The following IGSF9B variants were observed in gnomAD, a reference collection of about 807,000 sequenced individuals.
IGSF9B encodes immunoglobulin superfamily member 9B.
Under a neutral mutation model 143.7 loss-of-function variants are expected in IGSF9B, and 48 were observed. The observed-to-expected ratio is 0.33, with a 90% CI of 0.26 to 0.42. IGSF9B has a LOEUF of 0.42. Ranked by LOEUF, IGSF9B falls within the 20% of genes least tolerant of loss-of-function variation. The probability of loss-of-function intolerance (pLI) is 1.00; values close to 1 mark genes in which losing one functional copy is unlikely to be tolerated. For synonymous variants in IGSF9B, 903 were observed against 833.1 expected (o/e 1.08, Z -1.44); for missense variants, 1,706 against 1,980.0 (o/e 0.86, Z 2.63).
At chr11:133,938,735 C>T (rs967791728) in intron 3 of IGSF9B, among the ~76,000 whole-genome samples, 4 of 152,060 alleles carry the variant, frequency 2.6e-5, no homozygotes, top group Admixed American at 1.3e-4. Context: ...AACTCCAGCC[C>T]GGAGGCCCAC....
Position 133,905,297 on chromosome 11 carries a change from C to T in IGSF9B, c.*3772G>A, listed in dbSNP as rs1939194334. 6.6e-6 allele frequency among the ~76,000 whole-genome samples: 1 copy of T among 151,704 alleles called. No individual in the cohort carries two copies. Among genetic ancestry groups the T allele is most frequent in the Admixed American group, 6.6e-5 (1 of 15,214 alleles). On this transcript the variant is annotated 3_prime_UTR_variant, in exon 20 of 20. Coordinates refer to ENST00000533871, the MANE Select transcript of IGSF9B (RefSeq NM_001277285.4). This position sits in a 1 kb window ranked among gnomAD's most constrained non-coding sequence, Gnocchi z 4.0. ...TAACAAAATAGGAAGAAACAGATTC[C>T]AGCCACGCAGTCTTCAGCCCTGGAG...
chr11:133,925,023 T>C (rs1199901514), intron 14 of IGSF9B, 119 bp from the exon 15 acceptor site: 1 of 779,296 alleles, frequency 1.3e-6, no homozygotes, highest in African/African-American at 1.7e-5. Flanking sequence ...ACAGGAGGAC[T>C]GCTAAGTGTC....
chr11:133,922,497 TG>T, intron 16 of IGSF9B, 71 bp downstream of exon 16: 1 of 1,462,388 alleles, frequency 6.8e-7, no homozygotes. Flanking sequence ...ATGCTAAAAA[TG>T]GTCCACCTCT....
rs757846727 is a variant in IGSF9B at position 133,930,990 on chromosome 11, C to T, written c.1513G>A (p.Val505Ile). Residue 505 changes from valine (V) to isoleucine (I), a missense_variant, in exon 11 of 20, where the codon GTC becomes ATC. Coordinates refer to ENST00000533871, the MANE Select transcript of IGSF9B (RefSeq NM_001277285.4). ...AGCCTTGCCGGCCACGTACCGATGA[C>T]GGTGAGGTGGGTGCTGGCAGTGATG... ...TSITASTHLTVIGTSPHAPGS... is the reference protein window; with the variant it reads ...TSITASTHLTIIGTSPHAPGS... The T allele has an allele frequency of 5.2e-5, 83 of 1,610,574 alleles. No individual in the cohort carries two copies. In the South Asian group the frequency reaches 8.2e-4, roughly 16 times the overall value.
chr11:133,907,266 CAGA>C lies in IGSF9B; in HGVS notation c.*1800_*1802del, dbSNP rs1427890390. On this transcript the variant is annotated 3_prime_UTR_variant, in exon 20 of 20. Transcript: ENST00000533871. ...AGGAAGGACCAGGGCCGGTGTGGCA[CAGA>C]AGAAGTCCATCCCCTAAGATGGAAA... Among the ~76,000 whole-genome samples the C allele has an allele frequency of 2.6e-5, 4 of 152,196 alleles. No homozygotes were observed. The highest frequency in any genetic ancestry group is 2.1e-4 in the South Asian group (1 of 4,830).
intron 4 of IGSF9B, 141 bp downstream of exon 4, chr11:133,937,669 C>A: frequency 1.7e-6 from 2 of 1,147,262 alleles, no homozygotes; most frequent in Non-Finnish European, 2.5e-6. Context: ...GACACAGAGA[C>A]GCCTGCAGCT....
intron 19 of IGSF9B, 69 bp downstream of exon 19, chr11:133,911,817 C>A: frequency 1.4e-6 from 2 of 1,412,834 alleles, no homozygotes; most frequent in Admixed American, 3.1e-5. Context: ...ACAACGGCAG[C>A]CCAATAACCC....
chr11:133,933,149 T>C (rs1370291049), intron 7 of IGSF9B, among the ~76,000 whole-genome samples: 1 of 152,152 alleles, frequency 6.6e-6, no homozygotes, highest in African/African-American at 2.4e-5. Context: ...CCGAGCCTGC[T>C]CCAATCCTCA....
At chr11:133,946,664 C>T (rs997991062) in intron 1 of IGSF9B, among the ~76,000 whole-genome samples, 8 of 152,168 alleles carry the variant, frequency 5.3e-5, no homozygotes, top group African/African-American at 1.2e-4. Context: ...TGGAGGCCCA[C>T]GGCACTGCCC....
In IGSF9B at chr11:133,922,633, C is replaced by T. The variant is rs1356644009; in HGVS notation, c.2217G>A (p.Leu739=). Residue 739 remains leucine (L), a synonymous_variant, in exon 16 of 20, where the codon CTG becomes CTA. Transcript: ENST00000533871. ...ATICFLAAAI[L]FSTLAACFVN... ...CAAAGCAGGCAGCCAGGGTGCTGAACAGGATGGCAGCTGCCAAGAAGCAGA... is the reference window on the plus strand; with the variant it reads ...CAAAGCAGGCAGCCAGGGTGCTGAATAGGATGGCAGCTGCCAAGAAGCAGA... The T allele has an allele frequency of 6.2e-7, 1 of 1,604,878 alleles. No homozygotes were observed. Among genetic ancestry groups the T allele is most frequent in the East Asian group, 2.2e-5 (1 of 44,606 alleles).
In IGSF9B at chr11:133,931,520, G is replaced by A; in HGVS notation, c.1301C>T (p.Ala434Val). Residue 434 changes from alanine to valine, a missense_variant, in exon 10 of 20, where the codon GCC (alanine) becomes GTC (valine). Physicochemically the swap from Ala to Val is moderately conservative, Grantham distance 64. Transcript: ENST00000533871. The surrounding 1 kb of genome is among the most constrained non-coding windows in gnomAD (Gnocchi z 7.7). ...VLPGWEYRQEAGRELLIPCAA... is the reference protein window; with the variant it reads ...VLPGWEYRQEVGRELLIPCAA... ...ACAGGGGATAAGTAGCTCCCGGCCG[G>A]CCTCCTGCCTGTACTCCCAGCCTGG... 1 of 1,613,280 alleles carries A rather than the reference G, an allele frequency of 6.2e-7. No individual in the cohort carries two copies.
chr11:133,911,998 T>C lies in IGSF9B; in HGVS notation c.3993A>G (p.Pro1331=). 3 of 1,527,864 alleles carry C rather than the reference T, an allele frequency of 2.0e-6. 1 individual carries two copies. The South Asian group carries it at 3.6e-5, about 19-fold the overall frequency. 94.6% of individuals were successfully genotyped at this position (1,527,864 alleles called of 1,614,324 possible). A position where few individuals can be genotyped will look rare whatever the true frequency, so the allele number is the denominator to read the frequency against. Residue 1331 remains proline, a synonymous_variant, in exon 19 of 20, where the codon CCA becomes CCG. Transcript: ENST00000533871. The part of the protein sequence containing the change: ...PPTLPTSGTL[P]PAPGNAAAPE... Reference sequence around the variant, plus strand: ...GCGCAGCAGCGTTCCCGGGTGCAGGTGGAAGTGTTCTGGAAAGGACAACCA... The same window carrying C: ...GCGCAGCAGCGTTCCCGGGTGCAGGCGGAAGTGTTCTGGAAAGGACAACCA...
chr11:133,952,399 G>A (rs1417489453), intron 1 of IGSF9B, among the ~76,000 whole-genome samples: 1 of 152,208 alleles, frequency 6.6e-6, no homozygotes, highest in Non-Finnish European at 1.5e-5. Context: ...CAAGGGCACC[G>A]TGGCAGAGTG....
At position 133,935,599 on chromosome 11, in the gene IGSF9B, C is replaced by T; in HGVS notation, c.967+18G>A. 1 of 1,604,318 alleles carries T rather than the reference C, an allele frequency of 6.2e-7. No individual in the cohort carries two copies. The highest frequency in any genetic ancestry group is 8.5e-7 in the Non-Finnish European group (1 of 1,176,194). On this transcript the variant is annotated intron_variant, in intron 7 of 19. Coordinates refer to ENST00000533871, the MANE Select transcript of IGSF9B (RefSeq NM_001277285.4). Reference sequence around the variant, plus strand: ...TCTGGGAGCCCCACCACCCAGGCTCCCCTGCACCCCTACTCACACTGCACG... The same window carrying T: ...TCTGGGAGCCCCACCACCCAGGCTCTCCTGCACCCCTACTCACACTGCACG...
Position 133,922,669 on chromosome 11 carries a change from G to A in IGSF9B, c.2181C>T (p.Ile727=), listed in dbSNP as rs1018674930. Residue 727 remains isoleucine (I), a synonymous_variant, in exon 16 of 20, where the codon ATC becomes ATT. Transcript: ENST00000533871. The part of the protein sequence containing the change: ...DGLARPVLAG[I]VATICFLAAA... Reference sequence around the variant, plus strand: ...CTGCCAAGAAGCAGATGGTAGCTACGATTCCCGCCAGCACAGGCCGCGCCA... The same window carrying A: ...CTGCCAAGAAGCAGATGGTAGCTACAATTCCCGCCAGCACAGGCCGCGCCA... The A allele has an allele frequency of 1.5e-5, 24 of 1,586,150 alleles. No homozygotes were observed. Among genetic ancestry groups the A allele is most frequent in the South Asian group, 4.6e-5 (4 of 87,560 alleles).
intron 6 of IGSF9B, 21 bp from the exon 7 acceptor site, chr11:133,935,783 A>G (rs779013122): frequency 1.9e-6 from 3 of 1,607,750 alleles, no homozygotes; most frequent in Non-Finnish European, 2.5e-6. Context: ...GCATGGGGAC[A>G]GGGGGTTGGG....
rs1939155575 is a variant in IGSF9B, at chr11:133,902,562, CACA to C, written c.*6504_*6506del. Among the ~76,000 whole-genome samples, 7 of 118,272 alleles carry C rather than the reference CACA, an allele frequency of 5.9e-5. No homozygotes were observed. In the South Asian group the frequency reaches 1.8e-3, roughly 30 times the overall value. The allele number at this position is 118,272 out of a possible 152,430, so 77.6% of individuals were successfully genotyped here. On this transcript the variant is annotated 3_prime_UTR_variant, in exon 20 of 20. Coordinates refer to ENST00000533871, the MANE Select transcript of IGSF9B (RefSeq NM_001277285.4). Reference sequence around the variant, plus strand: ...ATACCACACACACCACATACACACACACACCCCACACACACACACACACACCCC... The same window carrying C: ...ATACCACACACACCACATACACACACCCCCACACACACACACACACACCCC...
chr11:133,946,267 G>A lies in IGSF9B; in HGVS notation c.65-9C>T, dbSNP rs993184677. On this transcript the variant is annotated splice_polypyrimidine_tract_variant and intron_variant, in intron 1 of 19. Transcript: ENST00000533871. ...TCGCAGGCCGTGGGCGCCTGATGGG[G>A]ACGGCCAGGTTGGACACAGAAAGGA... The A allele has an allele frequency of 2.5e-6, 4 of 1,611,748 alleles. No individual in the cohort carries two copies. The highest frequency in any genetic ancestry group is 1.1e-5 in the South Asian group (1 of 90,580).
In IGSF9B at chr11:133,948,056, C is replaced by CGTGTGTGTGTGTGT. The variant is rs71038546; in HGVS notation, c.65-1812_65-1799dup. On this transcript the variant is annotated intron_variant, in intron 1 of 19. Transcript: ENST00000533871. This position sits in a 1 kb window ranked among gnomAD's most constrained non-coding sequence, Gnocchi z 4.7. ...CTGTTTCTGTCTACCAGCATGTGTG[C>CGTGTGTGTGTGTGT]GTGTGTGTGTGTGTGTGTGTGTGTG... Among the ~76,000 whole-genome samples the CGTGTGTGTGTGTGT allele has an allele frequency of 6.2e-4, 92 of 147,292 alleles. 1 individual carries two copies. Among genetic ancestry groups the CGTGTGTGTGTGTGT allele is most frequent in the African/African-American group, 2.3e-3 (89 of 39,186 alleles).
Sources: gnomAD v4.1 joint callset for allele counts (sites outside exome capture counted in the v4.1 genomes callset) on GRCh38, gnomAD v4.1.1 for gene constraint, Gnocchi (gnomAD v3.1) non-coding constraint, MANE v1.5 for transcripts, NCBI Gene and HGNC (gene_info 2026-07-23, HGNC 2026-07-21) for gene names.